DGKE: variants seen among roughly 807,000 people sequenced by gnomAD.
DGKE encodes the protein DAG kinase epsilon.
In DGKE, 53 loss-of-function variants were observed where a neutral mutation model predicts 70.0. That is an observed-to-expected ratio of 0.76 (90% CI 0.61 to 0.95). The LOEUF (loss-of-function observed/expected upper bound fraction) is 0.95, where lower values mean the gene tolerates loss of function less well. DGKE is among the 40% of genes least tolerant of loss of function. The pLI, the probability that DGKE is intolerant of heterozygous loss-of-function variation, is 0.00. For missense variants in DGKE, 655 were observed against 706.9 expected, an observed-to-expected ratio of 0.93 and a Z score of 0.83; for synonymous variants, 291 against 257.0, an observed-to-expected ratio of 1.13 and a Z score of -1.27.
At chr17:56,852,080 AAG>A (rs1350223550) in intron 7 of DGKE, among the ~76,000 whole-genome samples, 2 of 152,112 alleles carry the variant, frequency 1.3e-5, no homozygotes, top group African/African-American at 4.8e-5. Context: ...TCTCTAAAAA[AAG>A]AGAAAAAGAA....
At chr17:56,853,958 C>T (rs1265559543) in intron 7 of DGKE, among the ~76,000 whole-genome samples, 4 of 146,954 alleles carry the variant, frequency 2.7e-5, no homozygotes, top group African/African-American at 7.5e-5. Flanking sequence ...GCCATATATA[C>T]ACAATGGAAA....
chr17:56,840,725 A>T (rs1906924780), intron 2 of DGKE, among the ~76,000 whole-genome samples: 1 of 152,182 alleles, frequency 6.6e-6, no homozygotes, highest in African/African-American at 2.4e-5. Context: ...TTCTGAATGG[A>T]ATCTATAGCC....
chr17:56,864,224 T>C lies in DGKE; in HGVS notation c.*1433T>C, dbSNP rs1908438451. On this transcript the variant is annotated 3_prime_UTR_variant, in exon 12 of 12. Transcript: ENST00000284061. ...GACCCAGAGGGCATCCAGCCTGGTG[T>C]TTTTCTGACACATGGCCCAGGCTTT... 1 of 152,204 alleles carries C rather than the reference T, an allele frequency of 6.6e-6. No homozygotes were observed. Among genetic ancestry groups the C allele is most frequent in the Admixed American group, 6.5e-5 (1 of 15,284 alleles). The allele number at this position is 152,204 out of a possible 1,614,324, so 9.4% of individuals were successfully genotyped here.
intron 5 of DGKE, 116 bp downstream of exon 5, chr17:56,848,181 A>G (rs1907426057): frequency 4.8e-6 from 3 of 624,872 alleles, no homozygotes; most frequent in Non-Finnish European, 4.3e-6. Flanking sequence ...TTCTTGAGAT[A>G]CAGTCTCGCA....
chr17:56,869,215 A>G lies in DGKE; in HGVS notation c.*6424A>G, dbSNP rs1341365390. ...CTGGGAAGCAGGCCTAGTGTAAACA[A>G]TTTATTTTTCTAGAAAAGACAGAAG... On this transcript the variant is annotated 3_prime_UTR_variant, in exon 12 of 12. Transcript: ENST00000284061. 6.6e-6 allele frequency: 1 copy of G among 152,224 alleles called. No homozygotes were observed. The highest frequency in any genetic ancestry group is 1.9e-4 in the East Asian group (1 of 5,204). The allele number at this position is 152,224 out of a possible 1,614,324, so 9.4% of individuals were successfully genotyped here.
chr17:56,848,632 C>T (rs1907456020), intron 5 of DGKE, 64 bp from the exon 6 acceptor site: 7 of 1,544,646 alleles, frequency 4.5e-6, no homozygotes, highest in South Asian at 1.2e-5. Flanking sequence ...TTAAATTTTA[C>T]AAAATATTAT....
chr17:56,850,091 G>A (rs1907556966), intron 7 of DGKE, among the ~76,000 whole-genome samples: 2 of 151,868 alleles, frequency 1.3e-5, no homozygotes, highest in Admixed American at 6.6e-5. Flanking sequence ...AGTGAGAGGG[G>A]AAAAGAGGGC....
In DGKE at chr17:56,835,041, G is replaced by T. The variant is rs772949069; in HGVS notation, c.246G>T (p.Leu82=). 3 of 1,613,010 alleles carry T rather than the reference G, an allele frequency of 1.9e-6. No individual in the cohort carries two copies. Among genetic ancestry groups the T allele is most frequent in the Admixed American group, 1.7e-5 (1 of 60,022 alleles). ...TYCCVCAQHI[L]QGAFCDCCGL... is the part of the protein sequence containing the mutation. ...GCTGCGTGTGCGCGCAGCACATTCT[G>T]CAGGGCGCCTTCTGCGACTGCTGCG... The change falls in exon 2 of 12, where the codon CTG becomes CTT. Residue 82 remains leucine, a synonymous_variant. Coordinates refer to ENST00000284061, the MANE Select transcript of DGKE (RefSeq NM_003647.3).
Position 56,844,167 on chromosome 17 carries a change from G to T in DGKE, c.613G>T (p.Asp205Tyr). 1 of 1,521,412 alleles carries T rather than the reference G, an allele frequency of 6.6e-7. No homozygotes were observed. The highest frequency in any genetic ancestry group is 1.3e-5 in the South Asian group (1 of 79,132). The allele number at this position is 1,521,412 out of a possible 1,614,324, so 94.2% of individuals were successfully genotyped here. A position where few individuals can be genotyped will look rare whatever the true frequency, so the allele number is the denominator to read the frequency against. Reference protein sequence around the residue: ...INQMRKDKKTDYEVLASKLGK... With the variant: ...INQMRKDKKTYYEVLASKLGK... ...TCAGATGCGTAAAGACAAAAAAACA[G>T]ATTATGAAGTGGTAATTAGAGTTTA... Residue 205 changes from aspartate to tyrosine, a missense_variant, in exon 3 of 12, where the codon GAT (aspartate) becomes TAT (tyrosine). Transcript: ENST00000284061.
chr17:56,838,111 G>T (rs1906741388), intron 2 of DGKE, among the ~76,000 whole-genome samples: 1 of 152,192 alleles, frequency 6.6e-6, no homozygotes, highest in Non-Finnish European at 1.5e-5. Flanking sequence ...AAGAGAAAAA[G>T]AACTTAAAGT....
chr17:56,836,791 C>G (rs1184142620), intron 2 of DGKE, among the ~76,000 whole-genome samples: 3 of 152,200 alleles, frequency 2.0e-5, no homozygotes, highest in East Asian at 1.9e-4. Context: ...CTACCACCAC[C>G]TGCATTAAAC....
chr17:56,855,863 G>A (rs1329137700), intron 7 of DGKE, among the ~76,000 whole-genome samples: 1 of 151,952 alleles, frequency 6.6e-6, no homozygotes, highest in Non-Finnish European at 1.5e-5. Context: ...AATATTAGCC[G>A]AGCATGGTGG....
chr17:56,849,501 C>A (rs1482538685), intron 7 of DGKE, among the ~76,000 whole-genome samples: 2 of 152,070 alleles, frequency 1.3e-5, no homozygotes, highest in Middle Eastern at 3.2e-3. Context: ...ACTTTCCAGG[C>A]AGAGGGAAAA....
rs1908613901 is a variant in DGKE, at chr17:56,868,267, G to C, written c.*5476G>C. ...ATGATGATGGCTCATAAAAACGTTT[G>C]TTCTCAGTCCAGTTCAGGGCTCTGC... On this transcript the variant is annotated 3_prime_UTR_variant, in exon 12 of 12. Transcript: ENST00000284061. The C allele has an allele frequency of 6.6e-6, 1 of 152,292 alleles. No homozygotes were observed. The highest frequency in any genetic ancestry group is 2.1e-4 in the South Asian group (1 of 4,834). The allele number at this position is 152,292 out of a possible 1,614,324, so 9.4% of individuals were successfully genotyped here.
At chr17:56,851,382 A>G (rs1003616323) in intron 7 of DGKE, among the ~76,000 whole-genome samples, 2 of 152,210 alleles carry the variant, frequency 1.3e-5, no homozygotes, top group African/African-American at 4.8e-5. Flanking sequence ...TTTAGTGCAA[A>G]GTGAGATCAC....
chr17:56,834,947 G>T lies in DGKE; in HGVS notation c.152G>T (p.Arg51Leu). 1 of 1,613,250 alleles carries T rather than the reference G, an allele frequency of 6.2e-7. No individual in the cohort carries two copies. Among genetic ancestry groups the T allele is most frequent in the South Asian group, 1.1e-5 (1 of 91,086 alleles). ...SLQRSRRQLHRRDIFRKSKHG... is the reference protein window; with the variant it reads ...SLQRSRRQLHLRDIFRKSKHG... ...CAGCGGTCGCGCCGGCAGCTGCACC[G>T]CAGGGACATCTTCCGCAAGAGCAAG... The change falls in exon 2 of 12, where the codon CGC becomes CTC. Residue 51 changes from arginine to leucine, a missense_variant. Physicochemically the swap from Arg to Leu is moderately radical, Grantham distance 102. Coordinates refer to ENST00000284061, the MANE Select transcript of DGKE (RefSeq NM_003647.3).
intron 8 of DGKE, 72 bp from the exon 9 acceptor site, chr17:56,858,522 A>T: frequency 8.0e-7 from 1 of 1,249,148 alleles, no homozygotes; most frequent in Non-Finnish European, 1.1e-6. Flanking sequence ...GAGCTTTGAT[A>T]CAGCGTATTT....
intron 2 of DGKE, among the ~76,000 whole-genome samples, chr17:56,840,424 G>A (rs888370523): frequency 3.3e-5 from 5 of 152,086 alleles, no homozygotes; most frequent in African/African-American, 1.2e-4. Flanking sequence ...CGCTCAGGTT[G>A]CAGTGCAGTG....
chr17:56,855,458 A>T (rs1393089928), intron 7 of DGKE, among the ~76,000 whole-genome samples: 1 of 152,234 alleles, frequency 6.6e-6, no homozygotes, highest in Admixed American at 6.5e-5. Flanking sequence ...GTGAGGCAAG[A>T]ATCAAGATCA....
Sources: gnomAD v4.1 joint callset for allele counts (sites outside exome capture counted in the v4.1 genomes callset) on GRCh38, gnomAD v4.1.1 for gene constraint, MANE v1.5 for transcripts, NCBI Gene and HGNC (gene_info 2026-07-23, HGNC 2026-07-21) for gene names.